Variants in GLIS1 observed in about 807,000 individuals in gnomAD.
GLIS1 encodes the protein zinc finger protein GLIS1.
A neutral mutation model predicts 63.8 loss-of-function variants in GLIS1; 24 were observed. The observed-to-expected ratio is 0.38, with a 90% CI of 0.27 to 0.53. The LOEUF (loss-of-function observed/expected upper bound fraction) is 0.53. Among genes scored for constraint, GLIS1 ranks in the 20% least tolerant of loss-of-function variants. The probability of loss-of-function intolerance (pLI) is 0.85; values close to 1 mark genes in which losing one functional copy is unlikely to be tolerated. For synonymous variants in GLIS1, 450 were observed against 482.5 expected, an observed-to-expected ratio of 0.93 and a Z score of 0.88; for missense variants, 1,036 against 1,074.1, an observed-to-expected ratio of 0.96 and a Z score of 0.50.
rs1258591941 is a variant in GLIS1, at chr1:53,646,834, G to C, written c.260-46556C>G. ...CAAAAAAGAAAGAAGAAAGGAAAGAGAGAGAGAGAGAAAGAGAGGGGAAGG... is the reference window on the plus strand; with the variant it reads ...CAAAAAAGAAAGAAGAAAGGAAAGACAGAGAGAGAGAAAGAGAGGGGAAGG... On this transcript the variant is annotated intron_variant, in intron 2 of 10. Transcript: ENST00000628545. This position sits in a 1 kb window ranked among gnomAD's most constrained non-coding sequence, Gnocchi z 4.2. Among the ~76,000 whole-genome samples, 3 of 149,392 alleles carry C rather than the reference G, an allele frequency of 2.0e-5. No homozygotes were observed. Among genetic ancestry groups the C allele is most frequent in the Non-Finnish European group, 4.4e-5 (3 of 67,492 alleles).
chr1:53,679,084 G>A (rs1023495868), intron 2 of GLIS1, among the ~76,000 whole-genome samples: 2 of 152,124 alleles, frequency 1.3e-5, no homozygotes, highest in East Asian at 1.9e-4. Context: ...TGCAGCTGCC[G>A]GCGTTCTTAG....
intron 2 of GLIS1, among the ~76,000 whole-genome samples, chr1:53,667,054 A>T (rs1489163533): frequency 6.6e-6 from 1 of 152,138 alleles, no homozygotes; most frequent in African/African-American, 2.4e-5. Context: ...TCTTAATTTG[A>T]GGTTCAGTTT....
intron 2 of GLIS1, among the ~76,000 whole-genome samples, chr1:53,734,970 C>T (rs776453867): frequency 2.6e-5 from 4 of 152,186 alleles, no homozygotes; most frequent in Non-Finnish European, 5.9e-5. Context: ...CAATGTTAGT[C>T]CATGACATCA....
chr1:53,553,979 G>A (rs952714031), intron 4 of GLIS1, among the ~76,000 whole-genome samples: 1 of 152,176 alleles, frequency 6.6e-6, no homozygotes, highest in African/African-American at 2.4e-5. Context: ...CCCTAAGATG[G>A]AGCAGTGTCA....
chr1:53,701,208 T>C (rs556371491), intron 2 of GLIS1, among the ~76,000 whole-genome samples: 2 of 152,222 alleles, frequency 1.3e-5, no homozygotes, highest in Non-Finnish European at 2.9e-5. Context: ...CAGACTATTT[T>C]CCCCAGCAAA....
chr1:53,535,966 G>A (rs1318008219), intron 4 of GLIS1, among the ~76,000 whole-genome samples: 1 of 152,070 alleles, frequency 6.6e-6, no homozygotes, highest in Non-Finnish European at 1.5e-5. Flanking sequence ...TCCAGCTTCA[G>A]ATCAGCCTGG....
At chr1:53,566,057 G>A (rs1294510547) in intron 4 of GLIS1, among the ~76,000 whole-genome samples, 1 of 152,148 alleles carries the variant, frequency 6.6e-6, no homozygotes, top group Admixed American at 6.5e-5. Flanking sequence ...ACAAATTGAA[G>A]TAGTTAAGCT....
chr1:53,733,884 G>T, intron 2 of GLIS1: 1 of 982,868 alleles, frequency 1.0e-6, no homozygotes, highest in Non-Finnish European at 1.2e-6. Flanking sequence ...GGGGAGAAAT[G>T]CTTTAAAAGT....
intron 2 of GLIS1, among the ~76,000 whole-genome samples, chr1:53,612,424 T>G (rs1222186626): frequency 6.6e-6 from 1 of 152,062 alleles, no homozygotes; most frequent in Non-Finnish European, 1.5e-5. Flanking sequence ...GTATTTTTAG[T>G]AGAGACGGGG....
chr1:53,677,112 G>A (rs1196491600), intron 2 of GLIS1, among the ~76,000 whole-genome samples: 2 of 152,216 alleles, frequency 1.3e-5, no homozygotes, highest in African/African-American at 2.4e-5. Flanking sequence ...TGAGGATGAC[G>A]CCGGCCTACA....
intron 2 of GLIS1, among the ~76,000 whole-genome samples, chr1:53,645,129 C>T (rs1645829461): frequency 6.6e-6 from 1 of 152,200 alleles, no homozygotes; most frequent in Non-Finnish European, 1.5e-5. Flanking sequence ...AGTCTGGCCT[C>T]GGGGACTTTG....
At chr1:53,695,574 C>G (rs1050408247) in intron 2 of GLIS1, among the ~76,000 whole-genome samples, 1 of 152,172 alleles carries the variant, frequency 6.6e-6, no homozygotes, top group African/African-American at 2.4e-5. Flanking sequence ...TCCAGCACAG[C>G]GGAGGGCTCA....
intron 2 of GLIS1, among the ~76,000 whole-genome samples, chr1:53,674,648 C>T (rs1258595726): frequency 6.6e-6 from 1 of 152,150 alleles, no homozygotes; most frequent in East Asian, 1.9e-4. Context: ...CAGCCCAGTT[C>T]TGATGTCCAG....
intron 2 of GLIS1, among the ~76,000 whole-genome samples, chr1:53,635,570 T>C (rs1276037114): frequency 3.4e-5 from 5 of 146,982 alleles, no homozygotes; most frequent in Non-Finnish European, 7.5e-5. Flanking sequence ...CAAAATGAAG[T>C]AGCAAGAGAA....
chr1:53,637,978 C>T (rs1186333296), intron 2 of GLIS1, among the ~76,000 whole-genome samples: 1 of 152,218 alleles, frequency 6.6e-6, no homozygotes, highest in African/African-American at 2.4e-5. Flanking sequence ...ACCAGCTGGA[C>T]ACCCATGGGA....
chr1:53,521,300 G>C (rs1045212200), intron 6 of GLIS1, among the ~76,000 whole-genome samples: 1 of 152,140 alleles, frequency 6.6e-6, no homozygotes, highest in African/African-American at 2.4e-5. Context: ...GAATGGACGC[G>C]GTAGGAATAA....
chr1:53,547,098 C>T (rs1282316953), intron 4 of GLIS1, among the ~76,000 whole-genome samples: 1 of 152,240 alleles, frequency 6.6e-6, no homozygotes, highest in Non-Finnish European at 1.5e-5. Context: ...CTTGTTTCAC[C>T]TCACCGCTGG....
At chr1:53,714,834 C>T (rs1051843268) in intron 2 of GLIS1, among the ~76,000 whole-genome samples, 1 of 152,250 alleles carries the variant, frequency 6.6e-6, no homozygotes, top group African/African-American at 2.4e-5. Flanking sequence ...GCAAGCACTG[C>T]TTTAGGCCCT....
chr1:53,566,435 A>G (rs983028234), intron 4 of GLIS1, among the ~76,000 whole-genome samples: 1 of 152,256 alleles, frequency 6.6e-6, no homozygotes, highest in Non-Finnish European at 1.5e-5. Context: ...ACTTTCCTAT[A>G]TATCAGCAAT....
Sources: gnomAD v4.1 joint callset for allele counts (sites outside exome capture counted in the v4.1 genomes callset) on GRCh38, gnomAD v4.1.1 for gene constraint, Gnocchi (gnomAD v3.1) non-coding constraint, MANE v1.5 for transcripts, NCBI Gene and HGNC (gene_info 2026-07-23, HGNC 2026-07-21) for gene names.